BRD4: variants seen among roughly 807,000 people sequenced by gnomAD.
BRD4 encodes bromodomain containing 4.
BRD4 carries 16 observed loss-of-function variants against 142.1 expected under a neutral mutation model. The ratio of observed to expected loss-of-function variants is 0.11; its 90% CI spans 0.08 to 0.17. BRD4 has a LOEUF of 0.17. Ranked by LOEUF, BRD4 falls within the 10% of genes least tolerant of loss-of-function variation. The pLI, the probability that BRD4 is intolerant of heterozygous loss-of-function variation, is 1.00. For synonymous variants in BRD4, 833 were observed against 707.5 expected (o/e 1.18, Z -2.82); for missense variants, 1,424 against 1,810.9 (o/e 0.79, Z 3.88).
intron 1 of BRD4, among the ~76,000 whole-genome samples, chr19:15,327,878 TG>T (rs2048122475): frequency 1.3e-5 from 1 of 74,892 alleles, no homozygotes; most frequent in African/African-American, 5.4e-5. Context: ...TGGCGGGGGG[TG>T]GGCAGGAGCA....
At position 15,265,381 on chromosome 19, in the gene BRD4, G is replaced by A. The variant is rs1390707207; in HGVS notation, c.822C>T (p.Ile274=). 2.0e-6 allele frequency: 3 copies of A among 1,516,752 alleles called. No individual in the cohort carries two copies. Among genetic ancestry groups the A allele is most frequent in the East Asian group, 2.3e-5 (1 of 43,788 alleles). The allele number at this position is 1,516,752 out of a possible 1,614,324, so 94.0% of individuals were successfully genotyped here. A position where few individuals can be genotyped will look rare whatever the true frequency, so the allele number is the denominator to read the frequency against. ...APQPVQSHPP[I]IAATPQPVKT... ...TCACAGGCTGTGGGGTGGCCGCGATGATGGGTGGGTGGCTCTGTACGGGCT... is the reference window on the plus strand; with the variant it reads ...TCACAGGCTGTGGGGTGGCCGCGATAATGGGTGGGTGGCTCTGTACGGGCT... The change falls in exon 5 of 20, where the codon ATC becomes ATT. Residue 274 remains isoleucine, a synonymous_variant. Coordinates refer to ENST00000679869, the MANE Select transcript of BRD4 (RefSeq NM_001379291.1).
At position 15,238,806 on chromosome 19, in the gene BRD4, G is replaced by A; in HGVS notation, c.3957C>T (p.Ser1319=). ...TPQAQSSQPQ[S]MLDQQRELAR... ...CCAACTCCCTCTGCTGGTCCAGCAT[G>A]GACTGGGGCTGGGAGCTCTGGGCCT... The change falls in exon 19 of 20, where the codon TCC becomes TCT. Residue 1319 remains serine, a synonymous_variant. Transcript: ENST00000679869. This position sits in a 1 kb window ranked among gnomAD's most constrained non-coding sequence, Gnocchi z 7.2. 6.2e-7 allele frequency: 1 copy of A among 1,601,978 alleles called. No homozygotes were observed. Among genetic ancestry groups the A allele is most frequent in the South Asian group, 1.1e-5 (1 of 90,202 alleles).
At chr19:15,298,673 A>G (rs2047844063) in intron 1 of BRD4, among the ~76,000 whole-genome samples, 1 of 140,884 alleles carries the variant, frequency 7.1e-6, no homozygotes, top group Admixed American at 7.3e-5. Context: ...TTGTGGTCAC[A>G]TCCCTTCTCT....
chr19:15,267,303 G>C (rs1249593100), intron 4 of BRD4, 113 bp downstream of exon 4: 2 of 1,324,714 alleles, frequency 1.5e-6, no homozygotes, highest in Non-Finnish European at 2.1e-6. Context: ...ACACCAACAC[G>C]GCATGCAGTA....
At chr19:15,246,870 C>T (rs1599437930) in intron 11 of BRD4, among the ~76,000 whole-genome samples, 1 of 152,098 alleles carries the variant, frequency 6.6e-6, no homozygotes, top group Non-Finnish European at 1.5e-5. Flanking sequence ...GCACGGCAGA[C>T]CCCCAGGACC....
At chr19:15,253,979 G>C in intron 11 of BRD4, 173 bp downstream of exon 11, 1 of 703,844 alleles carries the variant, frequency 1.4e-6, no homozygotes, top group Non-Finnish European at 2.4e-6. Context: ...ACAGAGTGCA[G>C]GGCTATTCAT....
At chr19:15,297,027 A>G (rs906495859) in intron 1 of BRD4, among the ~76,000 whole-genome samples, 1 of 152,164 alleles carries the variant, frequency 6.6e-6, no homozygotes, top group Non-Finnish European at 1.5e-5. Flanking sequence ...CCCCAGGTCC[A>G]TCTTCTAGGT....
At chr19:15,303,742 C>T (rs1430006024) in intron 1 of BRD4, among the ~76,000 whole-genome samples, 1 of 152,144 alleles carries the variant, frequency 6.6e-6, no homozygotes, top group East Asian at 1.9e-4. Flanking sequence ...AATACAGAAC[C>T]TATCTGCCAA....
intron 7 of BRD4, among the ~76,000 whole-genome samples, chr19:15,259,555 G>A (rs1340526774): frequency 6.6e-6 from 1 of 152,230 alleles, no homozygotes; most frequent in African/African-American, 2.4e-5. Context: ...GGTGGGACTG[G>A]GAACTGCCAG....
chr19:15,291,563 T>C (rs901622775), intron 1 of BRD4, among the ~76,000 whole-genome samples: 4 of 152,214 alleles, frequency 2.6e-5, no homozygotes, highest in African/African-American at 9.6e-5. Flanking sequence ...CTCCGTATTA[T>C]GCACTGAACA....
At chr19:15,308,786 C>A (rs1280921037) in intron 1 of BRD4, among the ~76,000 whole-genome samples, 1 of 151,696 alleles carries the variant, frequency 6.6e-6, no homozygotes, top group Non-Finnish European at 1.5e-5. Flanking sequence ...GAGGCCGAGG[C>A]GGGAGGATCA....
intron 1 of BRD4, among the ~76,000 whole-genome samples, chr19:15,277,117 C>T (rs4809130): frequency 0.07 from 10,626 of 152,244 alleles, 503 homozygotes; most frequent in Non-Finnish European, 0.11. Context: ...TCATACTGAC[C>T]TGTGGCCAAA....
At position 15,238,668 on chromosome 19, in the gene BRD4, G is replaced by A; in HGVS notation, c.4020+75C>T. ...TCCCCCGCTGCCCCTCCCTGTCCAG[G>A]CTCCAGTCCCCCTTTCCCAGCTCCC... On this transcript the variant is annotated intron_variant, in intron 19 of 19. Coordinates refer to ENST00000679869, the MANE Select transcript of BRD4 (RefSeq NM_001379291.1). This position sits in a 1 kb window ranked among gnomAD's most constrained non-coding sequence, Gnocchi z 7.2. 1 of 1,457,486 alleles carries A rather than the reference G, an allele frequency of 6.9e-7. No homozygotes were observed. The highest frequency in any genetic ancestry group is 9.1e-7 in the Non-Finnish European group (1 of 1,104,054). The allele number at this position is 1,457,486 out of a possible 1,614,324, so 90.3% of individuals were successfully genotyped here.
intron 1 of BRD4, among the ~76,000 whole-genome samples, chr19:15,289,539 G>A (rs1221325489): frequency 1.3e-5 from 2 of 151,810 alleles, no homozygotes; most frequent in East Asian, 1.9e-4. Context: ...CAACAAGAGC[G>A]AAACTCCATC....
intron 1 of BRD4, among the ~76,000 whole-genome samples, chr19:15,305,449 A>ATCAG (rs1402590545): frequency 7.9e-5 from 12 of 152,246 alleles, no homozygotes; most frequent in Non-Finnish European, 1.5e-4. Flanking sequence ...GTGCATGTCC[A>ATCAG]TCAGAGGTCT....
chr19:15,279,130 C>A (rs921654570), intron 1 of BRD4, among the ~76,000 whole-genome samples: 1 of 151,834 alleles, frequency 6.6e-6, no homozygotes, highest in Non-Finnish European at 1.5e-5. Context: ...CGTGAGCCAC[C>A]GCACCCGGCT....
At position 15,258,377 on chromosome 19, in the gene BRD4, G is replaced by T. The variant is rs117878193; in HGVS notation, c.1342-1204C>A. Among the ~76,000 whole-genome samples the T allele has an allele frequency of 5.8e-3, 888 of 152,134 alleles. 28 individuals carry two copies. The highest frequency in any genetic ancestry group is 0.042 in the Admixed American group (649 of 15,290). ...TTCACCCAGGCTGGAGTGCAGTGGC[G>T]CAATCTCAGCTCACTGTAACCTCTG... On this transcript the variant is annotated intron_variant, in intron 7 of 19. Transcript: ENST00000679869.
At chr19:15,329,378 G>A (rs1469915651) in intron 1 of BRD4, among the ~76,000 whole-genome samples, 1 of 152,118 alleles carries the variant, frequency 6.6e-6, no homozygotes, top group Non-Finnish European at 1.5e-5. Flanking sequence ...CTATACAGTA[G>A]GTTGTCAGAA....
chr19:15,269,986 C>T (rs1406587815), intron 2 of BRD4, among the ~76,000 whole-genome samples: 1 of 152,234 alleles, frequency 6.6e-6, no homozygotes, highest in Non-Finnish European at 1.5e-5. Context: ...GGGGGCTGCA[C>T]CCAGACAGCA....
Sources: allele counts gnomAD v4.1 joint callset (sites outside exome capture counted in the v4.1 genomes callset), GRCh38; gene constraint gnomAD v4.1.1; non-coding constraint Gnocchi (gnomAD v3.1); transcripts MANE v1.5; gene names NCBI Gene and HGNC (gene_info 2026-07-23, HGNC 2026-07-21).